The following RIT2 variants were observed in gnomAD, a reference collection of about 807,000 sequenced individuals.
RIT2 encodes the protein GTP-binding protein Rit2.
RIT2 carries 24 observed loss-of-function variants against 23.7 expected under a neutral mutation model. The ratio of observed to expected loss-of-function variants is 1.01; its 90% CI spans 0.73 to 1.43. RIT2 has a LOEUF of 1.43. RIT2 is among the 40% of genes most tolerant of loss of function. The pLI is 0.00. For synonymous variants in RIT2, 107 were observed against 91.1 expected, an observed-to-expected ratio of 1.17 and a Z score of -0.99; for missense variants, 236 against 266.9, an observed-to-expected ratio of 0.88 and a Z score of 0.81.
chr18:42,897,633 G>T (rs1234130881), intron 4 of RIT2, among the ~76,000 whole-genome samples: 1 of 152,064 alleles, frequency 6.6e-6, no homozygotes, highest in African/African-American at 2.4e-5. Context: ...TTTCATGGCG[G>T]ATGTAGTTAG....
chr18:42,858,868 G>T (rs1907255110), intron 4 of RIT2, among the ~76,000 whole-genome samples: 1 of 152,122 alleles, frequency 6.6e-6, no homozygotes, highest in South Asian at 2.1e-4. Context: ...CATCCATGTT[G>T]TACCATTTAT....
At chr18:43,090,871 G>A (rs1185758775) in intron 1 of RIT2, among the ~76,000 whole-genome samples, 2 of 151,952 alleles carry the variant, frequency 1.3e-5, no homozygotes, top group Non-Finnish European at 2.9e-5. Flanking sequence ...GGGCCTGTTG[G>A]AGGGTGGATG....
At chr18:42,970,221 C>T (rs767570574) in intron 3 of RIT2, among the ~76,000 whole-genome samples, 3 of 151,514 alleles carry the variant, frequency 2.0e-5, no homozygotes, top group African/African-American at 7.3e-5. Flanking sequence ...TAGATGGAAA[C>T]TATAAAGAAA....
intron 4 of RIT2, chr18:42,920,867 C>A: frequency 1.3e-6 from 1 of 746,456 alleles, no homozygotes; most frequent in Non-Finnish European, 2.3e-6. Context: ...CTTTATCACT[C>A]TAGGAATTCT....
At chr18:43,084,907 A>G (rs901608704) in intron 1 of RIT2, among the ~76,000 whole-genome samples, 1 of 152,184 alleles carries the variant, frequency 6.6e-6, no homozygotes, top group Non-Finnish European at 1.5e-5. Context: ...AAAGTTAGTC[A>G]TAATCTATTG....
intron 4 of RIT2, among the ~76,000 whole-genome samples, chr18:42,760,177 A>C (rs1913269139): frequency 6.6e-6 from 1 of 152,202 alleles, no homozygotes; most frequent in Non-Finnish European, 1.5e-5. Flanking sequence ...ATGTAGATGC[A>C]AGTGACTGCA....
chr18:42,815,853 A>G (rs1321852160), intron 4 of RIT2, among the ~76,000 whole-genome samples: 1 of 152,184 alleles, frequency 6.6e-6, no homozygotes, highest in Admixed American at 6.5e-5. Flanking sequence ...ACTACATTTT[A>G]TTTGACACAT....
At chr18:42,811,568 G>A (rs1031000443) in intron 4 of RIT2, among the ~76,000 whole-genome samples, 32 of 152,136 alleles carry the variant, frequency 2.1e-4, no homozygotes, top group Non-Finnish European at 1.0e-4. Flanking sequence ...GAGATCTAAA[G>A]TTGTTTTGAA....
intron 4 of RIT2, among the ~76,000 whole-genome samples, chr18:42,843,518 A>G (rs1357438113): frequency 2.0e-5 from 3 of 152,246 alleles, no homozygotes; most frequent in Admixed American, 2.0e-4. Flanking sequence ...CTTGGTGCAC[A>G]GGACTCAGAC....
intron 4 of RIT2, among the ~76,000 whole-genome samples, chr18:42,766,749 GA>G (rs1913432354): frequency 1.3e-5 from 2 of 152,154 alleles, no homozygotes; most frequent in South Asian, 4.1e-4. Flanking sequence ...GGCCCAGGAG[GA>G]AAAAGTGGTT....
At chr18:42,926,339 T>C (rs906714126) in intron 3 of RIT2, among the ~76,000 whole-genome samples, 2 of 151,994 alleles carry the variant, frequency 1.3e-5, no homozygotes, top group Non-Finnish European at 2.9e-5. Flanking sequence ...CAACATGTCC[T>C]ATGACATATT....
intron 2 of RIT2, among the ~76,000 whole-genome samples, chr18:43,009,527 T>C (rs1911303238): frequency 6.6e-6 from 1 of 151,694 alleles, no homozygotes; most frequent in African/African-American, 2.4e-5. Flanking sequence ...AGTTGGTCAT[T>C]GGTGAAGTTC....
intron 2 of RIT2, among the ~76,000 whole-genome samples, chr18:43,005,931 C>G (rs764153075): frequency 1.3e-5 from 2 of 151,538 alleles, no homozygotes; most frequent in Non-Finnish European, 3.0e-5. Flanking sequence ...CCAGAGAGGG[C>G]AAGAAATCCT....
chr18:43,035,319 C>T (rs192508526), intron 1 of RIT2, among the ~76,000 whole-genome samples: 1 of 152,276 alleles, frequency 6.6e-6, no homozygotes, highest in Non-Finnish European at 1.5e-5. Flanking sequence ...TGCAAATCAA[C>T]GTTCCTTACA....
At chr18:43,113,099 T>A (rs536017722) in intron 1 of RIT2, among the ~76,000 whole-genome samples, 5 of 152,282 alleles carry the variant, frequency 3.3e-5, no homozygotes, top group Admixed American at 1.3e-4. Context: ...AAACCATGTA[T>A]ATTTTTAGCT....
chr18:43,093,373 T>G (rs1033950349), intron 1 of RIT2, among the ~76,000 whole-genome samples: 2 of 152,072 alleles, frequency 1.3e-5, no homozygotes, highest in Non-Finnish European at 2.9e-5. Context: ...GAGATGGAAA[T>G]GTGCTTTCCT....
intron 4 of RIT2, among the ~76,000 whole-genome samples, chr18:42,886,435 G>A (rs530914759): frequency 1.5e-4 from 23 of 152,324 alleles, no homozygotes; most frequent in African/African-American, 5.3e-4. Flanking sequence ...TGTTCAGATT[G>A]TATGAACTAA....
At chr18:42,810,820 C>G (rs900176054) in intron 4 of RIT2, among the ~76,000 whole-genome samples, 2 of 152,000 alleles carry the variant, frequency 1.3e-5, no homozygotes, top group African/African-American at 4.8e-5. Flanking sequence ...GATACAAAAT[C>G]TAAACTTTTT....
chr18:42,912,303 A>T (rs983585069), intron 4 of RIT2, among the ~76,000 whole-genome samples: 3 of 151,836 alleles, frequency 2.0e-5, no homozygotes, highest in East Asian at 1.9e-4. Flanking sequence ...AATACCTATT[A>T]AAAAAACTAC....
Sources: allele counts gnomAD v4.1 joint callset (sites outside exome capture counted in the v4.1 genomes callset), GRCh38; gene constraint gnomAD v4.1.1; transcripts MANE v1.5; gene names NCBI Gene and HGNC (gene_info 2026-07-23, HGNC 2026-07-21).